TFDP2: variants seen among roughly 807,000 people sequenced by gnomAD.
TFDP2 encodes the protein transcription factor Dp-2.
TFDP2 carries 17 observed loss-of-function variants against 59.3 expected under a neutral mutation model. That is an observed-to-expected ratio of 0.29 (90% CI 0.20 to 0.43). The LOEUF (loss-of-function observed/expected upper bound fraction) is 0.43, where lower values mean the gene tolerates loss of function less well. TFDP2 is among the 20% of genes least tolerant of loss of function. The pLI, the probability that TFDP2 is intolerant of heterozygous loss-of-function variation, is 1.00. For synonymous variants in TFDP2, 180 were observed against 194.7 expected (o/e 0.92, Z 0.63); for missense variants, 391 against 528.8 (o/e 0.74, Z 2.56).
chr3:142,082,600 T>C (rs545328135), intron 3 of TFDP2, among the ~76,000 whole-genome samples: 1 of 152,114 alleles, frequency 6.6e-6, no homozygotes, highest in African/African-American at 2.4e-5. Flanking sequence ...ATCCCTGATG[T>C]ACACTGATGC....
chr3:142,017,332 A>G (rs1403731113), intron 3 of TFDP2, among the ~76,000 whole-genome samples: 1 of 152,138 alleles, frequency 6.6e-6, no homozygotes, highest in Non-Finnish European at 1.5e-5. Flanking sequence ...GCAGAGCTTA[A>G]TATTTGTTGG....
At chr3:142,119,114 T>C (rs1009710428) in intron 1 of TFDP2, among the ~76,000 whole-genome samples, 17 of 152,126 alleles carry the variant, frequency 1.1e-4, no homozygotes, top group African/African-American at 4.1e-4. Context: ...TGAGCCAAGA[T>C]TGCGCCACTG....
chr3:142,003,430 T>A (rs143060809), intron 4 of TFDP2, among the ~76,000 whole-genome samples: 45 of 152,224 alleles, frequency 3.0e-4, no homozygotes, highest in African/African-American at 1.1e-3. Flanking sequence ...ACACCCAGCC[T>A]CAACTTCTTT....
At chr3:142,027,683 T>A (rs899834410) in intron 3 of TFDP2, among the ~76,000 whole-genome samples, 3 of 152,206 alleles carry the variant, frequency 2.0e-5, no homozygotes, top group Non-Finnish European at 4.4e-5. Context: ...TCTAATAGAA[T>A]ATACGTTGTA....
Position 141,949,310 on chromosome 3 carries a change from G to A in TFDP2, c.*3203C>T, listed in dbSNP as rs1302261723. ...TAAATTGAAGGACGCCAAACTTGTGGCCATTGTCTGTAGTTTCTCGGGCGG... is the reference window on the plus strand; with the variant it reads ...TAAATTGAAGGACGCCAAACTTGTGACCATTGTCTGTAGTTTCTCGGGCGG... On this transcript the variant is annotated 3_prime_UTR_variant, in exon 13 of 13. Transcript: ENST00000489671. 2 of 152,130 alleles carry A rather than the reference G, an allele frequency of 1.3e-5. No homozygotes were observed. Among genetic ancestry groups the A allele is most frequent in the African/African-American group, 2.4e-5 (1 of 41,430 alleles). The allele number at this position is 152,130 out of a possible 1,614,324, so 9.4% of individuals were successfully genotyped here.
intron 10 of TFDP2, among the ~76,000 whole-genome samples, chr3:141,963,466 G>C (rs1307591051): frequency 6.6e-6 from 1 of 152,154 alleles, no homozygotes; most frequent in African/African-American, 2.4e-5. Flanking sequence ...AATCACCAAT[G>C]AATCTACCTT....
intron 6 of TFDP2, among the ~76,000 whole-genome samples, chr3:141,988,178 G>A (rs1013299187): frequency 5.3e-4 from 80 of 152,200 alleles, no homozygotes; most frequent in Middle Eastern, 3.4e-3. Flanking sequence ...ATTCTTGGGC[G>A]CAAGAGAATC....
intron 7 of TFDP2, among the ~76,000 whole-genome samples, chr3:141,975,618 C>T (rs549638974): frequency 6.7e-6 from 1 of 148,214 alleles, no homozygotes; most frequent in South Asian, 2.1e-4. Context: ...CGCTTGAATC[C>T]GGGAGATGGA....
intron 4 of TFDP2, among the ~76,000 whole-genome samples, chr3:141,998,281 C>T (rs1295378948): frequency 1.3e-5 from 2 of 152,098 alleles, no homozygotes; most frequent in African/African-American, 2.4e-5. Flanking sequence ...GGGTGATGAG[C>T]CGGTCATGCT....
At chr3:141,994,722 T>C (rs1016807764) in intron 5 of TFDP2, 1 of 194,758 alleles carries the variant, frequency 5.1e-6, no homozygotes. Flanking sequence ...TATAAAAATA[T>C]AGTTTTTATA....
At chr3:141,973,539 T>C (rs11569231) in intron 8 of TFDP2, among the ~76,000 whole-genome samples, 5,215 of 152,264 alleles carry the variant, frequency 0.034, 314 homozygotes, top group African/African-American at 0.12. Context: ...GCATACATCA[T>C]TCCAAAATTC....
At chr3:142,094,364 G>C (rs2061096625) in intron 2 of TFDP2, among the ~76,000 whole-genome samples, 1 of 151,226 alleles carries the variant, frequency 6.6e-6, no homozygotes, top group Admixed American at 6.6e-5. Context: ...GAGTGCAATG[G>C]CACCATCTTG....
intron 1 of TFDP2, among the ~76,000 whole-genome samples, chr3:142,133,180 T>A (rs1349529441): frequency 2.7e-5 from 4 of 150,306 alleles, no homozygotes; most frequent in Admixed American, 1.3e-4. Context: ...TAATACTATA[T>A]GTATAACTTT....
intron 3 of TFDP2, among the ~76,000 whole-genome samples, chr3:142,080,226 A>C (rs1270145972): frequency 6.6e-6 from 1 of 152,166 alleles, no homozygotes; most frequent in Non-Finnish European, 1.5e-5. Context: ...CAGCCTCCCA[A>C]AGTGCTGGGA....
chr3:142,047,736 CTTT>C (rs10707832), intron 3 of TFDP2, among the ~76,000 whole-genome samples: 17 of 112,436 alleles, frequency 1.5e-4, no homozygotes, highest in Admixed American at 4.0e-4. Flanking sequence ...AACTAATATG[CTTT>C]TTTTTTTTTT....
rs1237971516 is a variant in TFDP2 at position 141,974,098 on chromosome 3, T to G, written c.613A>C (p.Lys205Gln). The change falls in exon 8 of 13, where the codon AAG (lysine) becomes CAG (glutamine). Residue 205 changes from lysine (K) to glutamine (Q), a missense_variant. Lys to Gln is a moderately conservative substitution (Grantham distance 53). Around this residue, in one of 3 missense-constraint regions of TFDP2, gnomAD observed 223 missense variants for 292.5 expected, o/e 0.76. Transcript: ENST00000489671. ...GAATTGGTAGGCAGGCCAATCCACT[T>G]GATTTCTTTTTTTTCCTTTGAAATT... ...NIISKEKKEI[K>Q]WIGLPTNSAQ... 1 of 1,613,244 alleles carries G rather than the reference T, an allele frequency of 6.2e-7. No individual in the cohort carries two copies. Among genetic ancestry groups the G allele is most frequent in the Non-Finnish European group, 8.5e-7 (1 of 1,179,654 alleles).
At chr3:142,061,064 G>A (rs1287057078) in intron 3 of TFDP2, among the ~76,000 whole-genome samples, 1 of 152,054 alleles carries the variant, frequency 6.6e-6, no homozygotes, top group African/African-American at 2.4e-5. Flanking sequence ...CATATTACAG[G>A]ACACTAACAC....
intron 2 of TFDP2, among the ~76,000 whole-genome samples, 152 bp from the exon 3 acceptor site, chr3:142,093,279 T>C (rs1238594238): frequency 6.6e-6 from 1 of 152,174 alleles, no homozygotes; most frequent in Non-Finnish European, 1.5e-5. Flanking sequence ...AGTATTATTT[T>C]AAAATGAAAT....
intron 6 of TFDP2, among the ~76,000 whole-genome samples, chr3:141,983,435 G>A (rs1941702916): frequency 6.6e-6 from 1 of 152,116 alleles, no homozygotes; most frequent in Admixed American, 6.6e-5. Flanking sequence ...TCAGGAGTTA[G>A]AGACCAGCCT....
Sources: allele counts gnomAD v4.1 joint callset (sites outside exome capture counted in the v4.1 genomes callset), GRCh38; gene constraint gnomAD v4.1.1; regional missense constraint gnomAD v4.1.1; transcripts MANE v1.5; gene names NCBI Gene and HGNC (gene_info 2026-07-23, HGNC 2026-07-21).